The following MYT1L variants were observed in gnomAD, a reference collection of about 807,000 sequenced individuals.
MYT1L encodes myelin transcription factor 1 like.
MYT1L carries 12 observed loss-of-function variants against 126.7 expected under a neutral mutation model. The ratio of observed to expected loss-of-function variants is 0.09; its 90% CI spans 0.06 to 0.15. MYT1L has a LOEUF of 0.15. MYT1L is among the 10% of genes least tolerant of loss of function. The probability of loss-of-function intolerance (pLI) is 1.00; values close to 1 mark genes in which losing one functional copy is unlikely to be tolerated. For missense variants in MYT1L, 979 were observed against 1,585.2 expected (o/e 0.62, Z 6.49); for synonymous variants, 541 against 604.2 (o/e 0.90, Z 1.53).
Position 1,801,799 on chromosome 2 carries a change from CCT to C in MYT1L, c.3173-2_3173-1del, listed in dbSNP as rs758139688. 6.4e-7 allele frequency: 1 copy of C among 1,560,098 alleles called. No homozygotes were observed. ...TTTGATTTCTTCATCATTTTCTATA[CCT>C]GTAATAATGAATATTAGTATGTTAA... On this transcript the variant is annotated splice_acceptor_variant, in intron 22 of 24. Coordinates refer to ENST00000647738, the MANE Select transcript of MYT1L (RefSeq NM_001303052.2). LOFTEE classifies it high-confidence loss of function. The surrounding 1 kb of genome is among the most constrained non-coding windows in gnomAD (Gnocchi z 4.2).
At position 1,922,179 on chromosome 2, in the gene MYT1L, A is replaced by T; in HGVS notation, c.1483+107T>A. ...GGAATCAACTCTAAGAATGTGCAGT[A>T]GAGACATAATTCAGTGTGAGTCACA... On this transcript the variant is annotated intron_variant, in intron 10 of 24. Transcript: ENST00000647738. The surrounding 1 kb of genome is among the most constrained non-coding windows in gnomAD (Gnocchi z 7.4). 7.2e-7 allele frequency: 1 copy of T among 1,381,640 alleles called. No homozygotes were observed. Among genetic ancestry groups the T allele is most frequent in the Non-Finnish European group, 9.8e-7 (1 of 1,020,166 alleles). 85.6% of individuals were successfully genotyped at this position (1,381,640 alleles called of 1,614,324 possible). A position where few individuals can be genotyped will look rare whatever the true frequency, so the allele number is the denominator to read the frequency against.
chr2:2,095,107 T>C (rs1370125957), intron 3 of MYT1L, among the ~76,000 whole-genome samples: 1 of 152,176 alleles, frequency 6.6e-6, no homozygotes, highest in Non-Finnish European at 1.5e-5. Context: ...TAGACTTTAG[T>C]AGAGACAAAA....
At chr2:2,023,944 A>G (rs975330545) in intron 4 of MYT1L, among the ~76,000 whole-genome samples, 1 of 152,154 alleles carries the variant, frequency 6.6e-6, no homozygotes, top group Admixed American at 6.5e-5. Flanking sequence ...AAAGCCCCTC[A>G]ATTCAAACAA....
chr2:2,208,675 G>A (rs535436291), intron 2 of MYT1L, among the ~76,000 whole-genome samples: 1 of 152,234 alleles, frequency 6.6e-6, no homozygotes, highest in East Asian at 1.9e-4. Context: ...AAAAGTGAGA[G>A]ATATATCTTT....
At chr2:1,990,775 C>T (rs187508606) in intron 5 of MYT1L, among the ~76,000 whole-genome samples, 108 of 152,320 alleles carry the variant, frequency 7.1e-4, no homozygotes, top group African/African-American at 2.4e-3. Flanking sequence ...CTAAGGTGCT[C>T]TGGAACAGGC....
chr2:1,794,100 AC>A (rs35203995), intron 23 of MYT1L, among the ~76,000 whole-genome samples: 2,999 of 152,288 alleles, frequency 0.02, 57 homozygotes, highest in Non-Finnish European at 0.032. Flanking sequence ...AAAAAGGTAC[AC>A]GCAGGGGGAA....
chr2:2,195,832 T>C (rs1475843451), intron 2 of MYT1L, among the ~76,000 whole-genome samples: 1 of 151,992 alleles, frequency 6.6e-6, no homozygotes, highest in Non-Finnish European at 1.5e-5. Context: ...GAAAATGGGC[T>C]AGGAGAAACT....
At chr2:2,313,292 C>T (rs1369621547) in intron 1 of MYT1L, among the ~76,000 whole-genome samples, 1 of 151,914 alleles carries the variant, frequency 6.6e-6, no homozygotes, top group East Asian at 1.9e-4. Flanking sequence ...AAATCAAGTG[C>T]AATCAGCGGT....
chr2:2,003,412 C>G (rs2062608335), intron 4 of MYT1L, among the ~76,000 whole-genome samples: 1 of 152,212 alleles, frequency 6.6e-6, no homozygotes, highest in Non-Finnish European at 1.5e-5. Flanking sequence ...GGTTTGCCCA[C>G]CGTCACCCTG....
At chr2:2,090,179 G>C (rs2076767705) in intron 3 of MYT1L, among the ~76,000 whole-genome samples, 1 of 152,134 alleles carries the variant, frequency 6.6e-6, no homozygotes, top group African/African-American at 2.4e-5. Flanking sequence ...GAGATGCTCT[G>C]CTCACAACAT....
chr2:1,897,450 C>CTT (rs35167347), intron 14 of MYT1L, among the ~76,000 whole-genome samples: 1 of 147,696 alleles, frequency 6.8e-6, no homozygotes, highest in African/African-American at 2.5e-5. Flanking sequence ...GCAAACAAAA[C>CTT]TTTTTTTTTT....
At chr2:2,166,806 T>C (rs572563279) in intron 3 of MYT1L, among the ~76,000 whole-genome samples, 26 of 152,346 alleles carry the variant, frequency 1.7e-4, no homozygotes, top group African/African-American at 6.0e-4. Context: ...AAAAACATTT[T>C]TTTAGTTTGT....
intron 3 of MYT1L, among the ~76,000 whole-genome samples, chr2:2,072,802 G>A (rs2074761710): frequency 6.6e-6 from 1 of 152,204 alleles, no homozygotes; most frequent in African/African-American, 2.4e-5. Flanking sequence ...CTGCTGCCCT[G>A]TGAAGAAGCT....
intron 18 of MYT1L, among the ~76,000 whole-genome samples, chr2:1,878,398 T>C (rs2047178776): frequency 6.6e-6 from 1 of 152,208 alleles, no homozygotes; most frequent in Admixed American, 6.5e-5. Flanking sequence ...AAATATAAAC[T>C]GTTCAGTTTC....
chr2:1,843,116 C>T (rs1301576239), intron 19 of MYT1L, among the ~76,000 whole-genome samples: 2 of 152,236 alleles, frequency 1.3e-5, no homozygotes, highest in African/African-American at 2.4e-5. Context: ...CAACCCTTGC[C>T]GCCATCCTTC....
intron 1 of MYT1L, among the ~76,000 whole-genome samples, chr2:2,316,977 A>AT (rs397941762): frequency 0.22 from 32,028 of 145,794 alleles, 3,638 homozygotes; most frequent in South Asian, 0.29. Context: ...TGCCCAGCCA[A>AT]TTTTTTTTTT....
At chr2:2,069,759 C>T (rs2074362275) in intron 3 of MYT1L, among the ~76,000 whole-genome samples, 1 of 151,848 alleles carries the variant, frequency 6.6e-6, no homozygotes, top group Admixed American at 6.6e-5. Context: ...TAAATGATCG[C>T]CATTCTAACT....
intron 1 of MYT1L, among the ~76,000 whole-genome samples, chr2:2,296,880 A>C (rs2095703058): frequency 6.6e-6 from 1 of 152,198 alleles, no homozygotes; most frequent in African/African-American, 2.4e-5. Context: ...AGCACCCCAG[A>C]GCCTCCTCAT....
chr2:2,253,938 A>G (rs1455816861), intron 2 of MYT1L, among the ~76,000 whole-genome samples: 1 of 152,186 alleles, frequency 6.6e-6, no homozygotes, highest in African/African-American at 2.4e-5. Context: ...TTTTAGATGA[A>G]AAGATTACAT....
Sources: gnomAD v4.1 joint callset for allele counts (sites outside exome capture counted in the v4.1 genomes callset) on GRCh38, gnomAD v4.1.1 for gene constraint, Gnocchi (gnomAD v3.1) non-coding constraint, MANE v1.5 for transcripts, NCBI Gene and HGNC (gene_info 2026-07-23, HGNC 2026-07-21) for gene names.